The following ARHGAP15 variants were observed in gnomAD, a reference collection of about 807,000 sequenced individuals.
The protein encoded by ARHGAP15 is rho GTPase-activating protein 15.
Under a neutral mutation model 63.7 loss-of-function variants are expected in ARHGAP15, and 51 were observed. The ratio of observed to expected loss-of-function variants is 0.80; its 90% CI spans 0.64 to 1.01. The LOEUF (loss-of-function observed/expected upper bound fraction) is 1.01. Among genes scored for constraint, ARHGAP15 ranks in the 50% least tolerant of loss-of-function variants. The probability of loss-of-function intolerance (pLI) is 0.00; values close to 1 mark genes in which losing one functional copy is unlikely to be tolerated. For synonymous variants in ARHGAP15, 191 were observed against 193.8 expected (o/e 0.99, Z 0.12); for missense variants, 560 against 564.6 (o/e 0.99, Z 0.08).
chr2:143,470,100 A>G (rs1458307616), intron 8 of ARHGAP15, among the ~76,000 whole-genome samples: 1 of 152,164 alleles, frequency 6.6e-6, no homozygotes, highest in Non-Finnish European at 1.5e-5. Context: ...CTTGCCAATG[A>G]TAAAGATGAC....
chr2:143,417,112 G>T (rs1331757779), intron 6 of ARHGAP15, among the ~76,000 whole-genome samples: 1 of 151,968 alleles, frequency 6.6e-6, no homozygotes, highest in East Asian at 1.9e-4. Flanking sequence ...ATTGGAGAAT[G>T]TAGTGCCTGA....
chr2:143,337,370 T>C (rs1035141389), intron 6 of ARHGAP15, among the ~76,000 whole-genome samples: 1 of 152,192 alleles, frequency 6.6e-6, no homozygotes, highest in African/African-American at 2.4e-5. Context: ...ATGAAATGAC[T>C]CAAGGCAGTG....
intron 6 of ARHGAP15, among the ~76,000 whole-genome samples, chr2:143,341,011 GTATT>G (rs144169769): frequency 0.15 from 23,070 of 151,946 alleles, 2,200 homozygotes; most frequent in Non-Finnish European, 0.22. Context: ...CGTTTTGGGA[GTATT>G]TATTCATTCA....
At chr2:143,667,979 C>A (rs1454135222) in intron 12 of ARHGAP15, among the ~76,000 whole-genome samples, 2 of 151,708 alleles carry the variant, frequency 1.3e-5, no homozygotes, top group East Asian at 1.9e-4. Context: ...CAGAGCAAGA[C>A]CCTGTCTCAA....
intron 4 of ARHGAP15, among the ~76,000 whole-genome samples, chr2:143,225,500 C>A (rs1020355540): frequency 2.0e-5 from 3 of 152,078 alleles, no homozygotes; most frequent in African/African-American, 7.2e-5. Context: ...ACTGGGGAGG[C>A]TGAGGCAGGA....
At chr2:143,588,507 C>T (rs1697197811) in intron 11 of ARHGAP15, among the ~76,000 whole-genome samples, 1 of 152,128 alleles carries the variant, frequency 6.6e-6, no homozygotes, top group African/African-American at 2.4e-5. Flanking sequence ...CTAACAAGCC[C>T]TGGTGGGTGT....
At chr2:143,330,461 A>G (rs1370525601) in intron 6 of ARHGAP15, among the ~76,000 whole-genome samples, 2 of 152,176 alleles carry the variant, frequency 1.3e-5, no homozygotes, top group South Asian at 2.1e-4. Context: ...TGTTAAGTTT[A>G]TAAGATTTCA....
chr2:143,153,773 A>G (rs180686632), intron 1 of ARHGAP15, among the ~76,000 whole-genome samples: 2 of 149,788 alleles, frequency 1.3e-5, no homozygotes, highest in East Asian at 4.0e-4. Context: ...AAATTATATA[A>G]TAAATCTTCT....
At chr2:143,684,113 C>T (rs991693428) in intron 12 of ARHGAP15, among the ~76,000 whole-genome samples, 1 of 152,162 alleles carries the variant, frequency 6.6e-6, no homozygotes, top group Non-Finnish European at 1.5e-5. Context: ...GGCCACATCT[C>T]AGAAGCACTA....
intron 6 of ARHGAP15, among the ~76,000 whole-genome samples, chr2:143,335,913 A>G (rs1684751285): frequency 6.6e-6 from 1 of 152,224 alleles, no homozygotes; most frequent in African/African-American, 2.4e-5. Context: ...GGTATGTTTC[A>G]TGATTCCAAT....
intron 6 of ARHGAP15, among the ~76,000 whole-genome samples, chr2:143,299,492 A>T (rs1484208949): frequency 6.6e-6 from 1 of 151,984 alleles, no homozygotes; most frequent in Non-Finnish European, 1.5e-5. Context: ...AATGTTACAG[A>T]GTGGCCCTCA....
At chr2:143,569,191 T>C (rs1016840384) in intron 11 of ARHGAP15, among the ~76,000 whole-genome samples, 2 of 152,008 alleles carry the variant, frequency 1.3e-5, no homozygotes, top group African/African-American at 4.8e-5. Context: ...GCCTAAAATA[T>C]TGGCCTAAAT....
At chr2:143,137,925 C>A (rs965663429) in intron 1 of ARHGAP15, among the ~76,000 whole-genome samples, 10 of 152,052 alleles carry the variant, frequency 6.6e-5, no homozygotes, top group African/African-American at 2.4e-4. Flanking sequence ...ATCAAGTAAT[C>A]TGAGCTTCTG....
chr2:143,166,535 C>T (rs1690542987), intron 2 of ARHGAP15, among the ~76,000 whole-genome samples: 1 of 152,092 alleles, frequency 6.6e-6, no homozygotes, highest in East Asian at 1.9e-4. Context: ...GAATCTTTAC[C>T]TGGAATAGCC....
At chr2:143,348,668 G>C (rs553460014) in intron 6 of ARHGAP15, among the ~76,000 whole-genome samples, 1 of 152,130 alleles carries the variant, frequency 6.6e-6, no homozygotes, top group Non-Finnish European at 1.5e-5. Context: ...CAGCAAACTA[G>C]AGGTACACGT....
chr2:143,193,501 G>A (rs1362608226), intron 2 of ARHGAP15: 3 of 152,678 alleles, frequency 2.0e-5, no homozygotes, highest in Non-Finnish European at 4.4e-5. Flanking sequence ...CAGAAGGTGA[G>A]TTTAGGGTCT....
intron 6 of ARHGAP15, among the ~76,000 whole-genome samples, chr2:143,403,234 G>C (rs972175341): frequency 6.6e-6 from 1 of 151,072 alleles, no homozygotes; most frequent in African/African-American, 2.4e-5. Flanking sequence ...AAACCAATAA[G>C]ACCGTTTGAT....
At chr2:143,362,603 C>G (rs1277287432) in intron 6 of ARHGAP15, among the ~76,000 whole-genome samples, 4 of 152,194 alleles carry the variant, frequency 2.6e-5, no homozygotes, top group Non-Finnish European at 5.9e-5. Flanking sequence ...TCTTTGATGT[C>G]TTTATTTGGA....
chr2:143,290,152 C>T, intron 6 of ARHGAP15, among the ~76,000 whole-genome samples: 1 of 152,056 alleles, frequency 6.6e-6, no homozygotes, highest in Non-Finnish European at 1.5e-5. Context: ...ATCAACACAG[C>T]TCCATGACTT....
Sources: allele counts gnomAD v4.1 joint callset (sites outside exome capture counted in the v4.1 genomes callset), GRCh38; gene constraint gnomAD v4.1.1; transcripts MANE v1.5; gene names NCBI Gene and HGNC (gene_info 2026-07-23, HGNC 2026-07-21).